SUMF1: variants seen among roughly 807,000 people sequenced by gnomAD.
SUMF1 encodes formylglycine-generating enzyme.
SUMF1 carries 48 observed loss-of-function variants against 47.6 expected under a neutral mutation model. The ratio of observed to expected loss-of-function variants is 1.01; its 90% CI spans 0.80 to 1.28. The LOEUF is 1.28. SUMF1 is among the 50% of genes most tolerant of loss of function. The pLI is 0.00. For missense variants in SUMF1, 571 were observed against 485.4 expected (o/e 1.18, Z -1.66); for synonymous variants, 230 against 192.1 (o/e 1.20, Z -1.63).
chr3:4,163,704 A>G (rs980853982), intron 8 of SUMF1, among the ~76,000 whole-genome samples: 1 of 151,866 alleles, frequency 6.6e-6, no homozygotes, highest in East Asian at 1.9e-4. Context: ...TTAAAACAAC[A>G]TCTGGGTTTC....
In SUMF1 at chr3:4,217,300, T is replaced by C. The variant is rs182553454; in HGVS notation, c.1015-148555A>G. ...AACACCACATGTTCTCACTCATAAA[T>C]GGGAGTTGAACAATGAGAACACATG... On this transcript the variant is annotated intron_variant and NMD_transcript_variant, in intron 8 of 12. Transcript: ENST00000448413. Among the ~76,000 whole-genome samples, 132 of 149,488 alleles carry C rather than the reference T, an allele frequency of 8.8e-4. 1 individual carries two copies. Among genetic ancestry groups the C allele is most frequent in the African/African-American group, 3.2e-3 (128 of 40,474 alleles).
In SUMF1 at chr3:4,298,645, C is replaced by A. The variant is rs537284015; in HGVS notation, c.1014+77685G>T. On this transcript the variant is annotated intron_variant and NMD_transcript_variant, in intron 8 of 12. Coordinates refer to the SUMF1 transcript ENST00000448413. ...TAATTCTTTTCTCACAACATTCTTACAATTTCTATCACATTCTGTAAGTAT... is the reference window on the plus strand; with the variant it reads ...TAATTCTTTTCTCACAACATTCTTAAAATTTCTATCACATTCTGTAAGTAT... 6.6e-5 allele frequency among the ~76,000 whole-genome samples: 10 copies of A among 152,332 alleles called. No individual in the cohort carries two copies. In the East Asian group the frequency reaches 1.9e-3, roughly 29 times the overall value.
chr3:4,319,744 T>C (rs1041260359), intron 8 of SUMF1, among the ~76,000 whole-genome samples: 4 of 152,196 alleles, frequency 2.6e-5, no homozygotes, highest in African/African-American at 9.6e-5. Context: ...TGGTTAAAAC[T>C]TGAAGCAACA....
At chr3:4,058,361 T>G (rs898441051) in intron 9 of SUMF1, among the ~76,000 whole-genome samples, 2 of 152,156 alleles carry the variant, frequency 1.3e-5, no homozygotes, top group Non-Finnish European at 2.9e-5. Flanking sequence ...AAAGATTTCT[T>G]AAGTTCAGAA....
chr3:4,042,121 T>A (rs1160497305), intron 9 of SUMF1, among the ~76,000 whole-genome samples: 1 of 152,136 alleles, frequency 6.6e-6, no homozygotes, highest in East Asian at 1.9e-4. Context: ...TCAGTCATCT[T>A]CCCTATAAAA....
chr3:4,463,958 C>T (rs2819566), intron 1 of SUMF1, among the ~76,000 whole-genome samples: 53,192 of 152,068 alleles, frequency 0.35, 9,425 homozygotes, highest in Non-Finnish European at 0.39. Context: ...CAATTCTAAT[C>T]GCCATAACTT....
chr3:4,301,829 C>G (rs1697974277), intron 8 of SUMF1, among the ~76,000 whole-genome samples: 1 of 152,176 alleles, frequency 6.6e-6, no homozygotes, highest in Non-Finnish European at 1.5e-5. Context: ...GCTGAATATG[C>G]GTAACTGGAT....
rs550188037 is a variant in SUMF1, at chr3:4,124,500, A to G, written c.1015-55755T>C. Among the ~76,000 whole-genome samples, 11 of 152,120 alleles carry G rather than the reference A, an allele frequency of 7.2e-5. 1 individual carries two copies. Among genetic ancestry groups the G allele is most frequent in the South Asian group, 2.1e-4 (1 of 4,798 alleles). On this transcript the variant is annotated intron_variant and NMD_transcript_variant, in intron 8 of 12. Transcript: ENST00000448413. ...CCTTCCCTGTTGATTTCTTGCTACA[A>G]TTTTACACAGCAGCAGATCACCTCT...
intron 8 of SUMF1, among the ~76,000 whole-genome samples, chr3:4,070,268 C>G (rs1247972856): frequency 1.3e-5 from 2 of 152,054 alleles, no homozygotes; most frequent in African/African-American, 4.8e-5. Flanking sequence ...CCCCAACCAC[C>G]TTGGGTACAT....
chr3:4,238,193 G>C (rs902258242), intron 8 of SUMF1, among the ~76,000 whole-genome samples: 79 of 152,022 alleles, frequency 5.2e-4, no homozygotes, highest in Admixed American at 2.0e-3. Context: ...TGGGCATTTG[G>C]GTGGGTTCCA....
At chr3:4,465,541 G>C (rs1313825684) in intron 1 of SUMF1, among the ~76,000 whole-genome samples, 1 of 151,762 alleles carries the variant, frequency 6.6e-6, no homozygotes, top group East Asian at 1.9e-4. Flanking sequence ...GCAAGTTAGA[G>C]AGGAATTAAT....
At chr3:4,158,648 T>A (rs761303935) in intron 8 of SUMF1, among the ~76,000 whole-genome samples, 1 of 151,566 alleles carries the variant, frequency 6.6e-6, no homozygotes, top group African/African-American at 2.4e-5. Flanking sequence ...TGCTCATATA[T>A]ATCTGGGTGC....
intron 8 of SUMF1, among the ~76,000 whole-genome samples, chr3:4,210,673 T>C (rs372223187): frequency 6.6e-5 from 10 of 152,256 alleles, no homozygotes; most frequent in African/African-American, 2.2e-4. Context: ...CAGGTAAACT[T>C]GTAACATGGG....
chr3:4,406,805 A>T (rs1701390829), intron 7 of SUMF1, among the ~76,000 whole-genome samples: 1 of 152,228 alleles, frequency 6.6e-6, no homozygotes, highest in Admixed American at 6.5e-5. Context: ...ACAAGTCAGC[A>T]TGGTACCTTG....
At chr3:4,243,721 G>A (rs1308166264) in intron 8 of SUMF1, among the ~76,000 whole-genome samples, 1 of 151,938 alleles carries the variant, frequency 6.6e-6, no homozygotes, top group Non-Finnish European at 1.5e-5. Context: ...ATGTGGTGCT[G>A]AGAAGAATGT....
chr3:4,195,024 C>G (rs1695398266), intron 8 of SUMF1, among the ~76,000 whole-genome samples: 1 of 152,088 alleles, frequency 6.6e-6, no homozygotes, highest in South Asian at 2.1e-4. Context: ...GGTCACAGAG[C>G]CCTTGTCTGT....
intron 3 of SUMF1, among the ~76,000 whole-genome samples, chr3:4,443,038 G>A (rs1702657977): frequency 6.6e-6 from 1 of 152,024 alleles, no homozygotes; most frequent in Admixed American, 6.6e-5. Context: ...CACTTTGGGA[G>A]GCCAAGGCAG....
intron 4 of SUMF1, among the ~76,000 whole-genome samples, chr3:4,419,487 A>G (rs1388141956): frequency 2.6e-5 from 4 of 152,202 alleles, no homozygotes; most frequent in Admixed American, 2.6e-4. Context: ...ACCTTGCTCA[A>G]TCTCCAGGGT....
At position 4,388,024 on chromosome 3, in the gene SUMF1, C is replaced by T. The variant is rs1395362939; in HGVS notation, c.955-11635G>A. Among the ~76,000 whole-genome samples the T allele has an allele frequency of 3.9e-5, 6 of 152,134 alleles. No homozygotes were observed. In the East Asian group the frequency reaches 1.2e-3, roughly 29 times the overall value. ...AACTTGGTATATGTTCCATGCATAACTGAAAAGGGGTATTCTGCAGTTATA... is the reference window on the plus strand; with the variant it reads ...AACTTGGTATATGTTCCATGCATAATTGAAAAGGGGTATTCTGCAGTTATA... On this transcript the variant is annotated intron_variant, in intron 7 of 8. Coordinates refer to ENST00000272902, the MANE Select transcript of SUMF1 (RefSeq NM_182760.4).
Sources: allele counts gnomAD v4.1 joint callset (sites outside exome capture counted in the v4.1 genomes callset), GRCh38; gene constraint gnomAD v4.1.1; transcripts MANE v1.5; gene names NCBI Gene and HGNC (gene_info 2026-07-23, HGNC 2026-07-21).